Variants in ADAM10 observed in about 807,000 individuals in gnomAD.
ADAM10 encodes the protein disintegrin and metalloproteinase domain-containing protein 10.
Under a neutral mutation model 90.1 loss-of-function variants are expected in ADAM10, and 17 were observed. The observed-to-expected ratio is 0.19, with a 90% CI of 0.13 to 0.28. ADAM10 has a LOEUF of 0.28. ADAM10 is among the 10% of genes least tolerant of loss of function. The pLI is 1.00. For missense variants in ADAM10, 610 were observed against 914.3 expected, an observed-to-expected ratio of 0.67 and a Z score of 4.29; for synonymous variants, 310 against 298.6, an observed-to-expected ratio of 1.04 and a Z score of -0.40.
chr15:58,742,657 AG>A (rs767228845), intron 1 of ADAM10, among the ~76,000 whole-genome samples: 2 of 152,218 alleles, frequency 1.3e-5, no homozygotes, highest in Non-Finnish European at 2.9e-5. Flanking sequence ...CTGCCCTTAC[AG>A]GAATCCAAGT....
intron 4 of ADAM10, among the ~76,000 whole-genome samples, chr15:58,668,409 T>C (rs1009587144): frequency 6.6e-6 from 1 of 152,124 alleles, no homozygotes; most frequent in African/African-American, 2.4e-5. Flanking sequence ...CAGGGGTGAA[T>C]GGGTGACTAG....
At position 58,682,209 on chromosome 15, in the gene ADAM10, A is replaced by C; in HGVS notation, c.312T>G (p.Thr104=). ...GGTCCAACTTACCATAAATATGTCC[A>C]GTGTAAATATGAGAGGTATCATAAT... The part of the protein sequence containing the change: ...VLDYDTSHIY[T]GHIYGEEGSF... Residue 104 remains threonine, a synonymous_variant, in exon 3 of 16, where the codon ACT becomes ACG. Coordinates refer to ENST00000260408, the MANE Select transcript of ADAM10 (RefSeq NM_001110.4). The C allele has an allele frequency of 6.2e-7, 1 of 1,612,622 alleles. No individual in the cohort carries two copies. The highest frequency in any genetic ancestry group is 8.5e-7 in the Non-Finnish European group (1 of 1,179,292).
At chr15:58,667,745 G>GAAAA (rs1347946430) in intron 4 of ADAM10, among the ~76,000 whole-genome samples, 1 of 151,638 alleles carries the variant, frequency 6.6e-6, no homozygotes, top group Non-Finnish European at 1.5e-5. Flanking sequence ...ATGGAGAGTA[G>GAAAA]AAGAAAGGAT....
chr15:58,646,585 T>C (rs1896554553), intron 5 of ADAM10, among the ~76,000 whole-genome samples: 1 of 152,198 alleles, frequency 6.6e-6, no homozygotes, highest in Admixed American at 6.5e-5. Flanking sequence ...CCATTATCTC[T>C]GGCTCCACCA....
At chr15:58,603,805 C>T (rs1248165079) in intron 14 of ADAM10, among the ~76,000 whole-genome samples, 1 of 147,090 alleles carries the variant, frequency 6.8e-6, no homozygotes, top group Non-Finnish European at 1.5e-5. Flanking sequence ...AAGTAAATAT[C>T]CTTACAGTGG....
At chr15:58,629,159 CAATTCAGTAAATATTAATGA>C (rs1445640535) in intron 9 of ADAM10, 3 of 152,178 alleles carry the variant, frequency 2.0e-5, no homozygotes, top group Admixed American at 6.5e-5. Context: ...TGCCACTTTT[CAATTCAGTAAATATTAATGA>C]ATGTCCAGTG....
rs1411982108 is a variant in ADAM10, at chr15:58,727,202, T to C, written c.56-9475A>G. 5.4e-5 allele frequency among the ~76,000 whole-genome samples: 7 copies of C among 130,388 alleles called. 1 individual carries two copies. Among genetic ancestry groups the C allele is most frequent in the African/African-American group, 1.9e-4 (6 of 32,074 alleles). The allele number at this position is 130,388 out of a possible 152,430, so 85.5% of individuals were successfully genotyped here. On this transcript the variant is annotated intron_variant, in intron 1 of 15. Coordinates refer to ENST00000260408, the MANE Select transcript of ADAM10 (RefSeq NM_001110.4). The stretch of plus-strand genomic sequence containing the variant: ...TTTTTTTTTTTTTTTTTTTTTTTTT[T>C]TTTCCCAAAAACAGCGTTTCGCTCG...
chr15:58,694,682 C>T (rs1279280740), intron 2 of ADAM10, among the ~76,000 whole-genome samples: 2 of 151,540 alleles, frequency 1.3e-5, no homozygotes, highest in East Asian at 3.9e-4. Context: ...TGAACATAAC[C>T]TAAATGTCTA....
intron 4 of ADAM10, among the ~76,000 whole-genome samples, chr15:58,673,512 T>C (rs1333797887): frequency 2.6e-5 from 4 of 151,690 alleles, no homozygotes; most frequent in African/African-American, 9.7e-5. Flanking sequence ...GCTAAAATAT[T>C]TTATATTGAT....
At chr15:58,716,089 A>T (rs1445322723) in intron 2 of ADAM10, among the ~76,000 whole-genome samples, 1 of 152,218 alleles carries the variant, frequency 6.6e-6, no homozygotes, top group Non-Finnish European at 1.5e-5. Context: ...TTATAACTTA[A>T]AAGTAATTTT....
At chr15:58,743,025 T>G (rs981775907) in intron 1 of ADAM10, among the ~76,000 whole-genome samples, 1 of 152,114 alleles carries the variant, frequency 6.6e-6, no homozygotes, top group Non-Finnish European at 1.5e-5. Context: ...ACCACTGTAC[T>G]TCAACCTGGG....
intron 2 of ADAM10, among the ~76,000 whole-genome samples, chr15:58,706,702 G>C (rs879599668): frequency 6.6e-6 from 1 of 152,026 alleles, no homozygotes; most frequent in Non-Finnish European, 1.5e-5. Flanking sequence ...ACCCCACCAG[G>C]CATCTTCCAC....
chr15:58,700,241 G>A (rs561466903), intron 2 of ADAM10, among the ~76,000 whole-genome samples: 14 of 152,220 alleles, frequency 9.2e-5, no homozygotes, highest in African/African-American at 3.4e-4. Context: ...GGACCAAATA[G>A]GCCTAAAAGA....
chr15:58,675,907 T>A (rs2140745847), intron 4 of ADAM10, among the ~76,000 whole-genome samples: 1 of 152,286 alleles, frequency 6.6e-6, no homozygotes, highest in East Asian at 1.9e-4. Flanking sequence ...TTGGTAAGGA[T>A]AACATATACA....
At chr15:58,650,248 T>G (rs1054023127) in intron 5 of ADAM10, among the ~76,000 whole-genome samples, 1 of 152,202 alleles carries the variant, frequency 6.6e-6, no homozygotes, top group African/African-American at 2.4e-5. Context: ...ACTGGTTACA[T>G]TGAACTGAGT....
intron 11 of ADAM10, among the ~76,000 whole-genome samples, chr15:58,619,171 C>T (rs1160804326): frequency 6.6e-6 from 1 of 151,904 alleles, no homozygotes; most frequent in Non-Finnish European, 1.5e-5. Context: ...AAAATACTGT[C>T]ATGTGCAATA....
chr15:58,667,314 G>A (rs1275148235), intron 4 of ADAM10, among the ~76,000 whole-genome samples: 7 of 152,094 alleles, frequency 4.6e-5, no homozygotes, highest in Admixed American at 4.6e-4. Context: ...AATAGCTCTA[G>A]TTAACTCTCA....
At position 58,731,977 on chromosome 15, in the gene ADAM10, C is replaced by T. The variant is rs538222522; in HGVS notation, c.56-14250G>A. ...AGATTCAGAGGCAGCAGACAGAAAT[C>T]TTCTAGAAGGAAAAGAGCCTGGTGT... On this transcript the variant is annotated intron_variant, in intron 1 of 15. Coordinates refer to ENST00000260408, the MANE Select transcript of ADAM10 (RefSeq NM_001110.4). 1.9e-4 allele frequency among the ~76,000 whole-genome samples: 29 copies of T among 152,292 alleles called. No homozygotes were observed. In the South Asian group the frequency reaches 5.6e-3, roughly 29 times the overall value.
chr15:58,602,908 G>C (rs984342509), intron 14 of ADAM10, among the ~76,000 whole-genome samples: 2 of 152,158 alleles, frequency 1.3e-5, no homozygotes, highest in Non-Finnish European at 2.9e-5. Context: ...TTAAAGATCT[G>C]ATTTTTCAAG....
Sources: gnomAD v4.1 joint callset for allele counts (sites outside exome capture counted in the v4.1 genomes callset) on GRCh38, gnomAD v4.1.1 for gene constraint, MANE v1.5 for transcripts, NCBI Gene and HGNC (gene_info 2026-07-23, HGNC 2026-07-21) for gene names.